The following DPP6 variants were observed in gnomAD, a reference collection of about 807,000 sequenced individuals.
The protein encoded by DPP6 is A-type potassium channel modulatory protein DPP6.
In DPP6, 69 loss-of-function variants were observed where a neutral mutation model predicts 122.6. The ratio of observed to expected loss-of-function variants is 0.56; its 90% CI spans 0.46 to 0.69. The LOEUF (loss-of-function observed/expected upper bound fraction) is 0.69, where lower values mean the gene tolerates loss of function less well. Among genes scored for constraint, DPP6 ranks in the 30% least tolerant of loss-of-function variants. The pLI, the probability that DPP6 is intolerant of heterozygous loss-of-function variation, is 0.00. For synonymous variants in DPP6, 418 were observed against 433.1 expected, an observed-to-expected ratio of 0.97 and a Z score of 0.43; for missense variants, 928 against 1,116.9, an observed-to-expected ratio of 0.83 and a Z score of 2.41.
intron 1 of DPP6, among the ~76,000 whole-genome samples, chr7:154,418,453 C>T (rs1817204952): frequency 2.0e-5 from 3 of 152,138 alleles, no homozygotes; most frequent in Admixed American, 6.5e-5. Context: ...TGAATGCAAG[C>T]GTTTCTTGAG....
intron 1 of DPP6, among the ~76,000 whole-genome samples, chr7:154,076,386 G>T (rs889094569): frequency 4.0e-5 from 6 of 151,856 alleles, no homozygotes; most frequent in African/African-American, 1.5e-4. Context: ...GGAGGCGGAG[G>T]TTGCAGTGAG....
At chr7:154,569,508 C>T (rs1830976841) in intron 5 of DPP6, among the ~76,000 whole-genome samples, 1 of 151,872 alleles carries the variant, frequency 6.6e-6, no homozygotes, top group Non-Finnish European at 1.5e-5. Context: ...TATAATGAAA[C>T]TAGAATTTGT....
the DPP6 span, among the ~76,000 whole-genome samples, chr7:153,761,842 C>A: frequency 6.6e-6 from 1 of 152,064 alleles, no homozygotes; most frequent in African/African-American, 2.4e-5. Flanking sequence ...AACTAAGAAA[C>A]TATTATTTTT....
chr7:154,617,515 A>G (rs1389579416), intron 5 of DPP6, among the ~76,000 whole-genome samples: 1 of 152,208 alleles, frequency 6.6e-6, no homozygotes, highest in Non-Finnish European at 1.5e-5. Context: ...CACTGACCAC[A>G]ACTGAAATCA....
At chr7:154,797,353 A>G (rs907210001) in intron 12 of DPP6, among the ~76,000 whole-genome samples, 4 of 152,082 alleles carry the variant, frequency 2.6e-5, no homozygotes, top group African/African-American at 7.2e-5. Context: ...TATTATACAT[A>G]TGTATGTGTG....
At chr7:154,243,023 C>T (rs1451965834) in intron 1 of DPP6, among the ~76,000 whole-genome samples, 1 of 152,124 alleles carries the variant, frequency 6.6e-6, no homozygotes, top group Admixed American at 6.6e-5. Context: ...AAAAGCTATA[C>T]CCTCAAATAA....
At chr7:154,193,252 G>A (rs759848297) in intron 1 of DPP6, among the ~76,000 whole-genome samples, 10 of 152,176 alleles carry the variant, frequency 6.6e-5, no homozygotes, top group Middle Eastern at 3.2e-3. Context: ...TTACCTGTGC[G>A]TGCAGACCTG....
At chr7:154,127,231 A>G (rs1807955619) in intron 1 of DPP6, among the ~76,000 whole-genome samples, 1 of 152,260 alleles carries the variant, frequency 6.6e-6, no homozygotes, top group Admixed American at 6.5e-5. Context: ...CTCAAAGTCA[A>G]AAAGCTAATT....
intron 10 of DPP6, among the ~76,000 whole-genome samples, chr7:154,777,594 G>A (rs1040275398): frequency 2.0e-5 from 3 of 152,064 alleles, no homozygotes; most frequent in African/African-American, 4.8e-5. Flanking sequence ...GGTTTCCTCC[G>A]GCCTTTCCCG....
chr7:154,460,850 A>G (rs1388083734), intron 2 of DPP6, among the ~76,000 whole-genome samples: 3 of 152,324 alleles, frequency 2.0e-5, no homozygotes, highest in Non-Finnish European at 2.9e-5. Flanking sequence ...TGTGTTGCAA[A>G]CAATCCAATT....
At chr7:154,548,647 C>T (rs765001797) in intron 4 of DPP6, among the ~76,000 whole-genome samples, 2 of 152,104 alleles carry the variant, frequency 1.3e-5, no homozygotes, top group African/African-American at 4.8e-5. Context: ...CACACGTATA[C>T]TCTTCAAGTG....
chr7:154,137,658 T>TGGGGGGGGTGGGGGGGGGG (rs1795635642), intron 1 of DPP6, among the ~76,000 whole-genome samples: 1 of 48,384 alleles, frequency 2.1e-5, no homozygotes, highest in Admixed American at 2.2e-4. Context: ...GGTGGGGGGG[T>TGGGGGGGGTGGGGGGGGGG]GGGGGGGGTG....
intron 8 of DPP6, among the ~76,000 whole-genome samples, chr7:154,730,620 A>C (rs1258945571): frequency 2.0e-5 from 3 of 152,246 alleles, no homozygotes; most frequent in Non-Finnish European, 4.4e-5. Flanking sequence ...AATGGCATAG[A>C]TATCAAGGCA....
At chr7:154,587,327 T>G in intron 5 of DPP6, 1 of 380,698 alleles carries the variant, frequency 2.6e-6, no homozygotes, top group Non-Finnish European at 4.8e-6. Context: ...CCTGGAGACT[T>G]AGAACCTTAT....
rs184400014 is a variant in DPP6, at chr7:154,843,931, G to T, written c.1667-9849G>T. On this transcript the variant is annotated intron_variant, in intron 16 of 25. Coordinates refer to ENST00000377770, the MANE Select transcript of DPP6 (RefSeq NM_130797.4). ...CCGTACTGGACTCTGAGCTCCCTAA[G>T]AGTAAATGCTTTGTCTATTTCTGTC... is the stretch of plus-strand genomic sequence containing the variant. Among the ~76,000 whole-genome samples the T allele has an allele frequency of 2.0e-5, 3 of 152,362 alleles. No homozygotes were observed. The South Asian group carries it at 6.2e-4, about 32-fold the overall frequency.
intron 1 of DPP6, among the ~76,000 whole-genome samples, chr7:154,002,113 T>G (rs530605010): frequency 1.3e-5 from 2 of 152,356 alleles, no homozygotes; most frequent in African/African-American, 4.8e-5. Flanking sequence ...GGAAACAAAC[T>G]GACAAAAACA....
chr7:153,884,007 A>AT (rs1341116112), upstream of DPP6, among the ~76,000 whole-genome samples: 1 of 151,936 alleles, frequency 6.6e-6, no homozygotes, highest in Non-Finnish European at 1.5e-5. Context: ...GGGAATTTTT[A>AT]TTTTTTATTT....
At chr7:153,955,137 A>G (rs1267642589) in intron 1 of DPP6, among the ~76,000 whole-genome samples, 1 of 152,194 alleles carries the variant, frequency 6.6e-6, no homozygotes, top group Non-Finnish European at 1.5e-5. Flanking sequence ...TAATGTTGTT[A>G]TAGATAAGAT....
intron 7 of DPP6, among the ~76,000 whole-genome samples, chr7:154,723,917 T>C (rs1362556992): frequency 6.6e-6 from 1 of 152,166 alleles, no homozygotes; most frequent in Non-Finnish European, 1.5e-5. Context: ...CCCATAAGGA[T>C]GTGGGCAGAG....
Sources: allele counts gnomAD v4.1 joint callset (sites outside exome capture counted in the v4.1 genomes callset), GRCh38; gene constraint gnomAD v4.1.1; transcripts MANE v1.5; gene names NCBI Gene and HGNC (gene_info 2026-07-23, HGNC 2026-07-21).